Variants in CREB5 observed in about 807,000 individuals in gnomAD.
CREB5 encodes cAMP responsive element binding protein 5.
CREB5 carries 19 observed loss-of-function variants against 57.1 expected under a neutral mutation model. The ratio of observed to expected loss-of-function variants is 0.33; its 90% CI spans 0.23 to 0.49. The LOEUF (loss-of-function observed/expected upper bound fraction) is 0.49. Among genes scored for constraint, CREB5 ranks in the 20% least tolerant of loss-of-function variants. The pLI is 0.99. For missense variants in CREB5, 579 were observed against 671.6 expected (o/e 0.86, Z 1.52); for synonymous variants, 238 against 238.3 (o/e 1.00, Z 0.01).
chr7:28,336,059 A>G (rs573209075), intron 1 of CREB5, among the ~76,000 whole-genome samples: 45 of 152,062 alleles, frequency 3.0e-4, no homozygotes, highest in Non-Finnish European at 5.3e-4. Flanking sequence ...CTTGGTCGTG[A>G]TGAATGATCT....
intron 7 of CREB5, among the ~76,000 whole-genome samples, chr7:28,746,522 A>G (rs910734781): frequency 5.9e-5 from 9 of 152,232 alleles, no homozygotes; most frequent in Non-Finnish European, 1.2e-4. Flanking sequence ...TCGCAAGCAC[A>G]TTAAGCTGTG....
chr7:28,796,991 T>G (rs966503082), intron 7 of CREB5, among the ~76,000 whole-genome samples: 1 of 152,242 alleles, frequency 6.6e-6, no homozygotes, highest in Admixed American at 6.5e-5. Flanking sequence ...CGCAGGGAAG[T>G]GGTATCTGCA....
chr7:28,553,318 T>C (rs764275531), intron 4 of CREB5, among the ~76,000 whole-genome samples: 7 of 152,264 alleles, frequency 4.6e-5, no homozygotes, highest in African/African-American at 7.2e-5. Context: ...GAGCCTTTCA[T>C]GGATGCCTTG....
At chr7:28,463,402 C>G (rs925339672) in intron 1 of CREB5, among the ~76,000 whole-genome samples, 1 of 152,056 alleles carries the variant, frequency 6.6e-6, no homozygotes, top group African/African-American at 2.4e-5. Context: ...ATTGTTTTAG[C>G]TATTATAGTC....
intron 2 of CREB5, among the ~76,000 whole-genome samples, chr7:28,492,977 C>G (rs1453552729): frequency 6.6e-6 from 1 of 152,004 alleles, no homozygotes; most frequent in African/African-American, 2.4e-5. Context: ...TCAGTGTATT[C>G]AGAAATCTGG....
chr7:28,340,517 C>G (rs1583690266), intron 1 of CREB5, among the ~76,000 whole-genome samples: 1 of 152,200 alleles, frequency 6.6e-6, no homozygotes, highest in Admixed American at 6.5e-5. Flanking sequence ...AGTTGCAAGA[C>G]AAAGTCCTCT....
chr7:28,785,643 AG>A (rs1156980942), intron 7 of CREB5, among the ~76,000 whole-genome samples: 1 of 152,206 alleles, frequency 6.6e-6, no homozygotes, highest in Admixed American at 6.5e-5. Flanking sequence ...TTCTTATACT[AG>A]AATGTTTACT....
At chr7:28,542,462 C>T (rs937468090) in intron 4 of CREB5, among the ~76,000 whole-genome samples, 3 of 152,078 alleles carry the variant, frequency 2.0e-5, no homozygotes, top group South Asian at 2.1e-4. Flanking sequence ...TGTTTTGCAC[C>T]GTCACTGTTA....
At chr7:28,554,003 C>T (rs1794769639) in intron 4 of CREB5, among the ~76,000 whole-genome samples, 1 of 152,188 alleles carries the variant, frequency 6.6e-6, no homozygotes, top group Admixed American at 6.5e-5. Flanking sequence ...GAACTTGACC[C>T]TCACTCCTGC....
intron 5 of CREB5, among the ~76,000 whole-genome samples, chr7:28,669,384 T>C (rs951714627): frequency 2.6e-5 from 4 of 152,236 alleles, no homozygotes; most frequent in Non-Finnish European, 5.9e-5. Context: ...CCTTTATGTT[T>C]GTGTCCTGGA....
intron 7 of CREB5, among the ~76,000 whole-genome samples, chr7:28,756,989 C>T (rs913182664): frequency 6.6e-6 from 1 of 152,188 alleles, no homozygotes; most frequent in Non-Finnish European, 1.5e-5. Context: ...TTTTGAGAAT[C>T]TGCAACATAT....
chr7:28,417,095 G>T (rs1288819855), intron 1 of CREB5, among the ~76,000 whole-genome samples: 1 of 152,166 alleles, frequency 6.6e-6, no homozygotes, highest in Non-Finnish European at 1.5e-5. Flanking sequence ...AGCTTATTGT[G>T]CTTCTCTGCC....
chr7:28,596,088 G>A (rs1198292842), intron 5 of CREB5, among the ~76,000 whole-genome samples: 1 of 152,176 alleles, frequency 6.6e-6, no homozygotes, highest in Non-Finnish European at 1.5e-5. Flanking sequence ...CTCCCCAAGA[G>A]GCCACCTTTT....
At chr7:28,771,220 A>G (rs4722846) in intron 7 of CREB5, among the ~76,000 whole-genome samples, 102,993 of 151,930 alleles carry the variant, frequency 0.68, 35,320 homozygotes, top group East Asian at 0.84. Context: ...GATCTCTGAC[A>G]CCCCAGTGGT....
At chr7:28,546,332 G>A (rs79837479) in intron 4 of CREB5, among the ~76,000 whole-genome samples, 5,076 of 152,256 alleles carry the variant, frequency 0.033, 114 homozygotes, top group Non-Finnish European at 0.052. Flanking sequence ...TGGTTATTAT[G>A]AATAATGCTG....
chr7:28,560,941 C>CGTGTGCGTGT (rs1562798011), intron 4 of CREB5, among the ~76,000 whole-genome samples: 4 of 44,676 alleles, frequency 9.0e-5, no homozygotes, highest in Admixed American at 4.4e-4. Context: ...TGTGTGCGTG[C>CGTGTGCGTGT]GTGTGTGTGC....
At chr7:28,532,717 G>A (rs1385990161) in intron 4 of CREB5, among the ~76,000 whole-genome samples, 7 of 152,200 alleles carry the variant, frequency 4.6e-5, no homozygotes, top group Non-Finnish European at 8.8e-5. Flanking sequence ...CAAGAACTTT[G>A]TTCATTTGAT....
At chr7:28,402,122 T>C (rs558514963) in intron 1 of CREB5, among the ~76,000 whole-genome samples, 1 of 152,322 alleles carries the variant, frequency 6.6e-6, no homozygotes, top group Admixed American at 6.5e-5. Context: ...TGTGAGATGG[T>C]ATCTCATTGT....
chr7:28,300,619 T>C (rs1785084156), intron 1 of CREB5, among the ~76,000 whole-genome samples: 1 of 152,222 alleles, frequency 6.6e-6, no homozygotes, highest in Non-Finnish European at 1.5e-5. Flanking sequence ...CATTTCCTGT[T>C]GCCAAAACGT....
Sources: gnomAD v4.1 joint callset for allele counts (sites outside exome capture counted in the v4.1 genomes callset) on GRCh38, gnomAD v4.1.1 for gene constraint, MANE v1.5 for transcripts, NCBI Gene and HGNC (gene_info 2026-07-23, HGNC 2026-07-21) for gene names.